The following FARS2 variants were observed in gnomAD, a reference collection of about 807,000 sequenced individuals.
FARS2 encodes phenylalanine--tRNA ligase, mitochondrial.
FARS2 carries 40 observed loss-of-function variants against 46.4 expected under a neutral mutation model. The ratio of observed to expected loss-of-function variants is 0.86; its 90% CI spans 0.67 to 1.12. FARS2 has a LOEUF of 1.12. Ranked by LOEUF, FARS2 falls within the 50% of genes most tolerant of loss-of-function variation. The pLI, the probability that FARS2 is intolerant of heterozygous loss-of-function variation, is 0.00. For synonymous variants in FARS2, 234 were observed against 214.9 expected (o/e 1.09, Z -0.78); for missense variants, 513 against 567.9 (o/e 0.90, Z 0.98).
the FARS2 span, among the ~76,000 whole-genome samples, chr6:5,251,504 A>G: frequency 6.6e-6 from 1 of 152,186 alleles, no homozygotes; most frequent in African/African-American, 2.4e-5. Flanking sequence ...GAGCAGACAC[A>G]TCACAGGCCA....
the FARS2 span, among the ~76,000 whole-genome samples, chr6:5,252,169 A>G: frequency 6.6e-6 from 1 of 152,208 alleles, no homozygotes; most frequent in South Asian, 2.1e-4. Flanking sequence ...AACTGTGAAA[A>G]TAAACTTCTC....
chr6:5,564,458 T>C (rs1190994377), intron 5 of FARS2, among the ~76,000 whole-genome samples: 1 of 152,174 alleles, frequency 6.6e-6, no homozygotes, highest in East Asian at 1.9e-4. Flanking sequence ...GATCACCACT[T>C]GATTCACAGG....
At chr6:5,447,197 C>G (rs146090658) in intron 4 of FARS2, among the ~76,000 whole-genome samples, 1 of 152,070 alleles carries the variant, frequency 6.6e-6, no homozygotes, top group African/African-American at 2.4e-5. Context: ...ATTGTCTAGG[C>G]GCTAAATGAT....
intron 4 of FARS2, 32 bp from the exon 5 acceptor site, chr6:5,545,148 T>C (rs763666134): frequency 1.4e-4 from 222 of 1,611,224 alleles, no homozygotes; most frequent in South Asian, 1.9e-4. Context: ...TCGATACTTT[T>C]TAAAAACAAC....
chr6:5,324,249 A>C lies in FARS2; in HGVS notation c.-21-44301A>C, dbSNP rs146684182. On this transcript the variant is annotated intron_variant, in intron 1 of 6. Transcript: ENST00000274680. ...AAACTCTATTGTGTGGGGCTGTAAA[A>C]TTATTTAGAAGAGAGAGAATCATGC... 3.9e-5 allele frequency among the ~76,000 whole-genome samples: 6 copies of C among 152,278 alleles called. No homozygotes were observed. In the East Asian group the frequency reaches 9.7e-4, roughly 25 times the overall value.
chr6:5,426,930 A>G (rs529915770), intron 3 of FARS2, among the ~76,000 whole-genome samples: 1 of 152,176 alleles, frequency 6.6e-6, no homozygotes, highest in Non-Finnish European at 1.5e-5. Context: ...CCAGCCCTCA[A>G]TGTCACAAAT....
At position 5,727,517 on chromosome 6, in the gene FARS2, C is replaced by T. The variant is rs1198377495; in HGVS notation, c.1218-43774C>T. Among the ~76,000 whole-genome samples, 3 of 152,144 alleles carry T rather than the reference C, an allele frequency of 2.0e-5. No homozygotes were observed. The highest frequency in any genetic ancestry group is 4.8e-5 in the African/African-American group (2 of 41,424). On this transcript the variant is annotated intron_variant, in intron 6 of 6. Coordinates refer to ENST00000274680, the MANE Select transcript of FARS2 (RefSeq NM_006567.5). The surrounding 1 kb of genome is among the most constrained non-coding windows in gnomAD (Gnocchi z 4.1). Reference sequence around the variant, plus strand: ...TCGGGTAACTGAAGAAAGTGCATTCCGCGGTCTCCATGTGGTCAGGACTTG... The same window carrying T: ...TCGGGTAACTGAAGAAAGTGCATTCTGCGGTCTCCATGTGGTCAGGACTTG...
At chr6:5,655,161 C>T (rs796793104) in intron 6 of FARS2, among the ~76,000 whole-genome samples, 16 of 152,102 alleles carry the variant, frequency 1.1e-4, no homozygotes, top group African/African-American at 2.9e-4. Flanking sequence ...CCATCCTGTT[C>T]GAGGGTCCAC....
chr6:5,414,811 G>GTT (rs35210878), intron 3 of FARS2, among the ~76,000 whole-genome samples: 2,183 of 86,622 alleles, frequency 0.025, 112 homozygotes, highest in Non-Finnish European at 0.034. Context: ...GTATATGACT[G>GTT]TTTTTTTTTT....
At chr6:5,385,982 G>A (rs1331843173) in intron 2 of FARS2, among the ~76,000 whole-genome samples, 2 of 152,056 alleles carry the variant, frequency 1.3e-5, no homozygotes, top group African/African-American at 4.8e-5. Flanking sequence ...ACACATTCTT[G>A]GGAAGCTCGT....
At chr6:5,678,963 GGT>G (rs1380874131) in intron 6 of FARS2, among the ~76,000 whole-genome samples, 9 of 152,284 alleles carry the variant, frequency 5.9e-5, no homozygotes, top group African/African-American at 2.2e-4. Flanking sequence ...TTTATGACCT[GGT>G]GAATTAGGCT....
rs2326631 is a variant in FARS2, at chr6:5,624,901, G to A, written c.1217+11581G>A. On this transcript the variant is annotated intron_variant, in intron 6 of 6. Coordinates refer to ENST00000274680, the MANE Select transcript of FARS2 (RefSeq NM_006567.5). ...CGAGGTTTTTAAACTTGTGCCCTCC[G>A]TTCACAAGATCACTTCTTTCTGGCT... Among the ~76,000 whole-genome samples the A allele has an allele frequency of 6.3e-4, 94 of 148,582 alleles. 1 individual carries two copies. The highest frequency in any genetic ancestry group is 2.4e-3 in the Admixed American group (34 of 14,424).
chr6:5,421,463 C>T (rs981226838), intron 3 of FARS2, among the ~76,000 whole-genome samples: 1 of 152,224 alleles, frequency 6.6e-6, no homozygotes, highest in African/African-American at 2.4e-5. Flanking sequence ...ATGCCAATTT[C>T]TGCAGCCAGT....
At chr6:5,687,387 A>G (rs1280830455) in intron 6 of FARS2, among the ~76,000 whole-genome samples, 5 of 152,144 alleles carry the variant, frequency 3.3e-5, no homozygotes, top group African/African-American at 9.7e-5. Context: ...AAGGTGTAAG[A>G]AAGGGATCCA....
At chr6:5,650,259 CTTTTTTTTT>C (rs55926813) in intron 6 of FARS2, among the ~76,000 whole-genome samples, 58 of 115,764 alleles carry the variant, frequency 5.0e-4, no homozygotes, top group Middle Eastern at 4.3e-3. Flanking sequence ...GGCCACATTT[CTTTTTTTTT>C]TTTTTTTTTT....
chr6:5,698,158 C>T (rs1470970423), intron 6 of FARS2, among the ~76,000 whole-genome samples: 2 of 152,148 alleles, frequency 1.3e-5, no homozygotes, highest in Non-Finnish European at 2.9e-5. Context: ...TAAAGAAATA[C>T]CTGAGACTAA....
chr6:5,518,772 ATAAT>A (rs1768963487), intron 4 of FARS2, among the ~76,000 whole-genome samples: 1 of 152,218 alleles, frequency 6.6e-6, no homozygotes, highest in African/African-American at 2.4e-5. Context: ...ATAATTTTAA[ATAAT>A]TATATAACAT....
chr6:5,697,155 A>C (rs908349804), intron 6 of FARS2, among the ~76,000 whole-genome samples: 1 of 152,062 alleles, frequency 6.6e-6, no homozygotes, highest in Non-Finnish European at 1.5e-5. Flanking sequence ...GTAAGCTCAC[A>C]TGGGCTTTAT....
chr6:5,484,368 T>G (rs1766652203), intron 4 of FARS2, among the ~76,000 whole-genome samples: 1 of 152,208 alleles, frequency 6.6e-6, no homozygotes, highest in Non-Finnish European at 1.5e-5. Context: ...GTGTGAATAT[T>G]AGGTTTTAGG....
Sources: allele counts gnomAD v4.1 joint callset (sites outside exome capture counted in the v4.1 genomes callset), GRCh38; gene constraint gnomAD v4.1.1; non-coding constraint Gnocchi (gnomAD v3.1); transcripts MANE v1.5; gene names NCBI Gene and HGNC (gene_info 2026-07-23, HGNC 2026-07-21).